Variants in TRAPPC12 observed in about 807,000 individuals in gnomAD.
TRAPPC12 encodes trafficking protein particle complex subunit 12, also known as TPR repeat protein 15.
In TRAPPC12, 61 loss-of-function variants were observed where a neutral mutation model predicts 69.2. The ratio of observed to expected loss-of-function variants is 0.88; its 90% CI spans 0.72 to 1.09. TRAPPC12 has a LOEUF of 1.09. Among genes scored for constraint, TRAPPC12 ranks in the 50% least tolerant of loss-of-function variants. The probability of loss-of-function intolerance (pLI) is 0.00; values close to 1 mark genes in which losing one functional copy is unlikely to be tolerated. For missense variants in TRAPPC12, 1,101 were observed against 1,016.4 expected (o/e 1.08, Z -1.13); for synonymous variants, 469 against 438.9 (o/e 1.07, Z -0.86).
At chr2:3,465,099 A>G (rs899281489) in intron 8 of TRAPPC12, among the ~76,000 whole-genome samples, 2 of 152,274 alleles carry the variant, frequency 1.3e-5, no homozygotes, top group African/African-American at 4.8e-5. Context: ...ACTCAGCCTC[A>G]GCAAACTTGT....
intron 7 of TRAPPC12, 147 bp from the exon 8 acceptor site, chr2:3,460,116 G>A: frequency 1.4e-6 from 1 of 728,366 alleles, no homozygotes; most frequent in South Asian, 1.5e-5. Flanking sequence ...GCAGCCTGCA[G>A]CATATTCAGC....
intron 2 of TRAPPC12, among the ~76,000 whole-genome samples, chr2:3,396,333 C>T (rs1406797570): frequency 6.6e-6 from 1 of 151,506 alleles, no homozygotes; most frequent in Admixed American, 6.6e-5. Flanking sequence ...TAATTCTTAT[C>T]CTCGCTCCTC....
chr2:3,403,860 C>T (rs1023058043), intron 3 of TRAPPC12, among the ~76,000 whole-genome samples: 61 of 152,178 alleles, frequency 4.0e-4, no homozygotes, highest in African/African-American at 1.3e-3. Flanking sequence ...TGAGGTATAG[C>T]CTGTCCCCAT....
At chr2:3,430,690 G>T (rs759667784) in intron 5 of TRAPPC12, among the ~76,000 whole-genome samples, 2 of 152,026 alleles carry the variant, frequency 1.3e-5, no homozygotes, top group Non-Finnish European at 2.9e-5. Flanking sequence ...TTTTTTGTTC[G>T]CAACATGACA....
intron 3 of TRAPPC12, among the ~76,000 whole-genome samples, chr2:3,409,696 G>A (rs1193052694): frequency 7.3e-6 from 1 of 137,030 alleles, no homozygotes; most frequent in Non-Finnish European, 1.5e-5. Flanking sequence ...GCTGCAGTGA[G>A]CCCTGATCGC....
intron 5 of TRAPPC12, among the ~76,000 whole-genome samples, chr2:3,427,501 A>G (rs554468015): frequency 7.2e-5 from 11 of 152,174 alleles, no homozygotes; most frequent in African/African-American, 1.9e-4. Context: ...ATTCAAAATG[A>G]CTCCTCTTAC....
At chr2:3,431,465 T>C (rs1468475015) in intron 5 of TRAPPC12, among the ~76,000 whole-genome samples, 1 of 152,272 alleles carries the variant, frequency 6.6e-6, no homozygotes, top group Non-Finnish European at 1.5e-5. Flanking sequence ...GTCTTAAATG[T>C]TGATAACTTC....
intron 2 of TRAPPC12, among the ~76,000 whole-genome samples, chr2:3,394,404 TG>T (rs1660998248): frequency 6.6e-6 from 1 of 151,998 alleles, no homozygotes; most frequent in African/African-American, 2.4e-5. Flanking sequence ...GGGTGGATCA[TG>T]AGGTCAGGAG....
In TRAPPC12 at chr2:3,479,391, A is replaced by G; in HGVS notation, c.2138A>G (p.Gln713Arg). 1 of 1,614,144 alleles carries G rather than the reference A, an allele frequency of 6.2e-7. No individual in the cohort carries two copies. Among genetic ancestry groups the G allele is most frequent in the South Asian group, 1.1e-5 (1 of 91,084 alleles). The change falls in exon 12 of 12, where the codon CAG (glutamine) becomes CGG (arginine). Residue 713 changes from glutamine to arginine, a missense_variant. By Grantham distance (43) the Gln-to-Arg change is conservative (BLOSUM62 1). Coordinates refer to ENST00000324266, the MANE Select transcript of TRAPPC12 (RefSeq NM_016030.6). Reference protein sequence around the residue: ...LESSRSMQKKQALLEAVAGKE... With the variant: ...LESSRSMQKKRALLEAVAGKE... ...TCCTCACGGAGCATGCAGAAGAAAC[A>G]GGCCCTGCTGGAGGCTGTCGCCGGC...
At chr2:3,458,189 G>T (rs962446588) in intron 7 of TRAPPC12, 5 of 999,218 alleles carry the variant, frequency 5.0e-6, no homozygotes, top group Middle Eastern at 5.1e-4. Flanking sequence ...ACCCCTTGGG[G>T]GACTGGGTGG....
intron 4 of TRAPPC12, among the ~76,000 whole-genome samples, chr2:3,424,218 C>T (rs1442762493): frequency 6.6e-6 from 1 of 152,172 alleles, no homozygotes; most frequent in Non-Finnish European, 1.5e-5. Flanking sequence ...TTATTAAGCT[C>T]AATAGTAATT....
At chr2:3,438,370 C>G (rs1438221424) in intron 5 of TRAPPC12, among the ~76,000 whole-genome samples, 1 of 136,398 alleles carries the variant, frequency 7.3e-6, no homozygotes. Context: ...AATACTTCCA[C>G]CCCTGGATTG....
intron 2 of TRAPPC12, among the ~76,000 whole-genome samples, chr2:3,396,793 A>G (rs1661159003): frequency 6.6e-6 from 1 of 151,716 alleles, no homozygotes; most frequent in Non-Finnish European, 1.5e-5. Flanking sequence ...TTTTCGTATC[A>G]TTTTTCTTTT....
chr2:3,427,058 TTA>T (rs1286435016), intron 5 of TRAPPC12, among the ~76,000 whole-genome samples: 1 of 152,188 alleles, frequency 6.6e-6, no homozygotes, highest in Admixed American at 6.5e-5. Flanking sequence ...GATGGAAAGG[TTA>T]AAGGCATTGT....
intron 2 of TRAPPC12, among the ~76,000 whole-genome samples, chr2:3,395,560 CTTTTT>C (rs10671671): frequency 1.4e-4 from 16 of 118,148 alleles, no homozygotes; most frequent in Admixed American, 1.2e-3. Context: ...AAAATTATTA[CTTTTT>C]TTTTTTTTTT....
At chr2:3,457,804 C>A in intron 7 of TRAPPC12, 111 bp downstream of exon 7, 1 of 1,497,582 alleles carries the variant, frequency 6.7e-7, no homozygotes, top group Non-Finnish European at 8.8e-7. Flanking sequence ...GTCAGCACTG[C>A]ACGTGTCCAC....
intron 3 of TRAPPC12, among the ~76,000 whole-genome samples, chr2:3,410,813 C>T (rs1662013646): frequency 6.6e-6 from 1 of 152,120 alleles, no homozygotes; most frequent in African/African-American, 2.4e-5. Context: ...AGGCAGATCA[C>T]GAGGTCAAGA....
chr2:3,410,036 ACTCT>A (rs1426846986), intron 3 of TRAPPC12, among the ~76,000 whole-genome samples: 1 of 150,552 alleles, frequency 6.6e-6, no homozygotes, highest in Non-Finnish European at 1.5e-5. Flanking sequence ...GGCTGCCCAG[ACTCT>A]CTCTGCCACG....
chr2:3,454,444 C>T (rs1203135848), intron 6 of TRAPPC12, among the ~76,000 whole-genome samples: 5 of 139,594 alleles, frequency 3.6e-5, no homozygotes, highest in African/African-American at 1.4e-4. Flanking sequence ...GTGTCTCCGT[C>T]TCCTACCCCT....
Sources: gnomAD v4.1 joint callset for allele counts (sites outside exome capture counted in the v4.1 genomes callset) on GRCh38, gnomAD v4.1.1 for gene constraint, MANE v1.5 for transcripts, NCBI Gene and HGNC (gene_info 2026-07-23, HGNC 2026-07-21) for gene names.